Variants in RTL4 observed in about 807,000 individuals in gnomAD.
RTL4 encodes retrotransposon Gag-like protein 4.
A neutral mutation model predicts 5.3 loss-of-function variants in RTL4; 4 were observed. The observed-to-expected ratio is 0.75, with a 90% CI of 0.37 to 1.72. RTL4 has a LOEUF of 1.72. Among genes scored for constraint, RTL4 ranks in the 40% most tolerant of loss-of-function variants. RTL4 has a pLI of 0.04. For missense variants in RTL4, 260 were observed against 227.1 expected (o/e 1.14, Z -0.93); for synonymous variants, 98 against 87.3 (o/e 1.12, Z -0.68).
the RTL4 span, among the ~76,000 whole-genome samples, chrX:112,244,605 G>C: frequency 9.0e-6 from 1 of 111,399 alleles, no homozygotes; most frequent in African/African-American, 3.3e-5. Flanking sequence ...CGTGAAATGG[G>C]TCTCCTGAAT....
the RTL4 span, among the ~76,000 whole-genome samples, chrX:112,168,406 G>A: frequency 1.8e-5 from 2 of 111,749 alleles, no homozygotes; most frequent in African/African-American, 3.3e-5. Flanking sequence ...TTGAACCATA[G>A]CAACTCCATC....
the RTL4 span, among the ~76,000 whole-genome samples, chrX:112,190,166 TTCTTTCTTTC>T: frequency 3.3e-5 from 3 of 90,669 alleles, no homozygotes; most frequent in Non-Finnish European, 6.6e-5. Flanking sequence ...CTTTCTTTCT[TTCTTTCTTTC>T]TTTCTTTCTT....
the RTL4 span, among the ~76,000 whole-genome samples, chrX:112,131,271 A>G: frequency 2.7e-5 from 3 of 109,529 alleles, no homozygotes; most frequent in Non-Finnish European, 5.7e-5. Context: ...AAGTTAGTCA[A>G]GCAATTCCAT....
chrX:112,450,177 T>C (rs145321318), upstream of RTL4, among the ~76,000 whole-genome samples: 1,418 of 112,368 alleles, frequency 0.013, 11 homozygotes, highest in South Asian at 0.026. Flanking sequence ...AGGGTACTGC[T>C]GACTCTTCTC....
the RTL4 span, among the ~76,000 whole-genome samples, chrX:112,085,525 G>A: frequency 9.0e-6 from 1 of 111,705 alleles, no homozygotes; most frequent in East Asian, 2.8e-4. Context: ...TCTCAACCTC[G>A]ATGCTATTGA....
the RTL4 span, among the ~76,000 whole-genome samples, chrX:112,441,626 T>C: frequency 8.9e-6 from 1 of 112,084 alleles, no homozygotes; most frequent in Non-Finnish European, 1.9e-5. Context: ...CAGTTTGCAG[T>C]ATCTTATAAA....
the RTL4 span, among the ~76,000 whole-genome samples, chrX:112,414,095 T>G: frequency 0.084 from 9,394 of 111,366 alleles, 341 homozygotes; most frequent in African/African-American, 0.13. Context: ...CTCAATAATT[T>G]GTAACAGTTA....
chrX:112,084,499 G>A, the RTL4 span, among the ~76,000 whole-genome samples: 1 of 109,490 alleles, frequency 9.1e-6, no homozygotes, highest in East Asian at 2.9e-4. Context: ...TTGGCCAAGA[G>A]GGTCGCTGAA....
At chrX:112,417,050 T>A in the RTL4 span, among the ~76,000 whole-genome samples, 1 of 111,527 alleles carries the variant, frequency 9.0e-6, no homozygotes, top group Non-Finnish European at 1.9e-5. Context: ...TCAATCTTGA[T>A]GTTAGGGATA....
the RTL4 span, among the ~76,000 whole-genome samples, chrX:112,374,821 G>A: frequency 2.7e-5 from 3 of 111,336 alleles, no homozygotes; most frequent in African/African-American, 9.8e-5. Context: ...AAAGGCTATT[G>A]GCTGGAGGTT....
the RTL4 span, among the ~76,000 whole-genome samples, chrX:112,416,662 T>C: frequency 3.2e-4 from 36 of 112,135 alleles, no homozygotes; most frequent in African/African-American, 1.2e-3. Flanking sequence ...AAGGCTTAGG[T>C]TGAGGAAGGC....
At chrX:112,245,432 C>A in the RTL4 span, among the ~76,000 whole-genome samples, 1 of 111,338 alleles carries the variant, frequency 9.0e-6, no homozygotes, top group African/African-American at 3.3e-5. Context: ...CTTCTTGCTT[C>A]ATTTCATTAG....
chrX:112,223,568 G>A, the RTL4 span, among the ~76,000 whole-genome samples: 1 of 111,925 alleles, frequency 8.9e-6, no homozygotes, highest in Non-Finnish European at 1.9e-5. Context: ...GGAGGCCACA[G>A]CCCCCAGCTC....
chrX:112,323,804 A>T, the RTL4 span, among the ~76,000 whole-genome samples: 1 of 112,288 alleles, frequency 8.9e-6, no homozygotes, highest in South Asian at 3.7e-4. Flanking sequence ...ATGTTAAATG[A>T]TCAAATATAT....
chrX:112,085,770 C>A, the RTL4 span, among the ~76,000 whole-genome samples: 1 of 111,960 alleles, frequency 8.9e-6, no homozygotes, highest in South Asian at 3.7e-4. Context: ...CATATTTTAA[C>A]CTTAATTCTA....
the RTL4 span, among the ~76,000 whole-genome samples, chrX:112,363,758 T>C: frequency 9.0e-6 from 1 of 111,096 alleles, no homozygotes; most frequent in African/African-American, 3.3e-5. Context: ...TTCAGCACCA[T>C]TGACATAAAT....
chrX:112,390,572 A>G, the RTL4 span, among the ~76,000 whole-genome samples: 109 of 111,089 alleles, frequency 9.8e-4, no homozygotes, highest in East Asian at 6.3e-3. Context: ...TTGACTGGAT[A>G]TGAAATTTTC....
the RTL4 span, among the ~76,000 whole-genome samples, chrX:112,107,007 G>A: frequency 5.7e-4 from 64 of 111,713 alleles, 1 homozygote; most frequent in East Asian, 0.018. Flanking sequence ...CTGTGCAGAA[G>A]TTTTTTAGTT....
chrX:112,409,611 C>T, the RTL4 span, among the ~76,000 whole-genome samples: 1 of 109,729 alleles, frequency 9.1e-6, no homozygotes, highest in Non-Finnish European at 1.9e-5. Flanking sequence ...ATCCCAGCTA[C>T]TCAGGAGGCT....
Sources: gnomAD v4.1 joint callset for allele counts (sites outside exome capture counted in the v4.1 genomes callset) on GRCh38, gnomAD v4.1.1 for gene constraint, MANE v1.5 for transcripts, NCBI Gene and HGNC (gene_info 2026-07-23, HGNC 2026-07-21) for gene names.